The following CMIP variants were observed in gnomAD, a reference collection of about 807,000 sequenced individuals.
CMIP encodes the protein C-Maf-inducing protein.
CMIP carries 13 observed loss-of-function variants against 97.3 expected under a neutral mutation model. That is an observed-to-expected ratio of 0.13 (90% confidence interval 0.09 to 0.21). The LOEUF is 0.21. Among genes scored for constraint, CMIP ranks in the 10% least tolerant of loss-of-function variants. The pLI is 1.00. For missense variants in CMIP, 847 were observed against 1,024.9 expected (o/e 0.83, Z 2.37); for synonymous variants, 538 against 436.3 (o/e 1.23, Z -2.91).
At chr16:81,688,597 G>A (rs1403105009) in intron 10 of CMIP, among the ~76,000 whole-genome samples, 1 of 152,206 alleles carries the variant, frequency 6.6e-6, no homozygotes, top group Non-Finnish European at 1.5e-5. Flanking sequence ...TGTGTGGAAA[G>A]TCTCCGTGAC....
intron 1 of CMIP, among the ~76,000 whole-genome samples, chr16:81,459,067 C>T (rs55964899): frequency 0.45 from 50,617 of 112,400 alleles, 8,824 homozygotes; most frequent in East Asian, 0.58. Context: ...TCACTGTCAC[C>T]GTCACCGTCA....
rs1280400848 is a variant in CMIP at position 81,627,636 on chromosome 16, C to T, written c.477+6710C>T. On this transcript the variant is annotated intron_variant, in intron 3 of 20. Coordinates refer to ENST00000537098, the MANE Select transcript of CMIP (RefSeq NM_198390.3). This position sits in a 1 kb window ranked among gnomAD's most constrained non-coding sequence, Gnocchi z 4.6. Reference sequence around the variant, plus strand: ...TGTCCCCTGTGTCCAGCACTATGTGCCCCTGTGCTCCTGAGTCCGGAAACA... The same window carrying T: ...TGTCCCCTGTGTCCAGCACTATGTGTCCCTGTGCTCCTGAGTCCGGAAACA... 1.0e-5 allele frequency among the ~76,000 whole-genome samples: 1 copy of T among 95,558 alleles called. No homozygotes were observed. The highest frequency in any genetic ancestry group is 2.6e-5 in the Non-Finnish European group (1 of 37,918). 62.7% of individuals were successfully genotyped at this position (95,558 alleles called of 152,430 possible).
intron 3 of CMIP, among the ~76,000 whole-genome samples, chr16:81,624,727 A>G (rs1234163473): frequency 6.6e-6 from 1 of 152,244 alleles, no homozygotes; most frequent in East Asian, 1.9e-4. Flanking sequence ...AAGGGAGGAC[A>G]GATGAGGGAG....
At chr16:81,470,652 C>T (rs762218752) in intron 1 of CMIP, among the ~76,000 whole-genome samples, 57 of 152,318 alleles carry the variant, frequency 3.7e-4, no homozygotes, top group Middle Eastern at 3.4e-3. Context: ...TAAATGAGAT[C>T]TTGCTGTGTT....
chr16:81,567,996 C>T lies in CMIP; in HGVS notation c.301-39571C>T, dbSNP rs549907276. 2.0e-5 allele frequency among the ~76,000 whole-genome samples: 3 copies of T among 147,480 alleles called. No individual in the cohort carries two copies. The South Asian group carries it at 6.5e-4, about 32-fold the overall frequency. ...TATCCTCTTCCAGGGATGCTGGGAA[C>T]TGTAGACTGGATGACCGTGAGCTTT... is the stretch of plus-strand genomic sequence containing the variant. On this transcript the variant is annotated intron_variant, in intron 1 of 20. Coordinates refer to ENST00000537098, the MANE Select transcript of CMIP (RefSeq NM_198390.3).
intron 1 of CMIP, among the ~76,000 whole-genome samples, chr16:81,542,869 G>T (rs370969739): frequency 6.6e-6 from 1 of 152,226 alleles, no homozygotes; most frequent in Non-Finnish European, 1.5e-5. Context: ...AGGAATTTCC[G>T]GGAGGCACAA....
intron 1 of CMIP, among the ~76,000 whole-genome samples, chr16:81,568,039 GTTTTT>G (rs1555531346): frequency 2.4e-5 from 2 of 82,544 alleles, no homozygotes; most frequent in South Asian, 5.8e-4. Context: ...GTGTGTGTGT[GTTTTT>G]TTTTTTTTTT....
At chr16:81,587,080 C>T (rs1393906447) in intron 1 of CMIP, among the ~76,000 whole-genome samples, 1 of 152,128 alleles carries the variant, frequency 6.6e-6, no homozygotes. Flanking sequence ...GCAGTGTGTG[C>T]AGTGTGATTC....
chr16:81,460,842 G>A (rs766370081), intron 1 of CMIP, among the ~76,000 whole-genome samples: 7 of 152,354 alleles, frequency 4.6e-5, no homozygotes, highest in Non-Finnish European at 1.0e-4. Context: ...TGGTGGTGAT[G>A]ATGACGGTGA....
intron 1 of CMIP, among the ~76,000 whole-genome samples, chr16:81,533,569 C>T (rs1281480614): frequency 6.6e-6 from 1 of 152,184 alleles, no homozygotes; most frequent in African/African-American, 2.4e-5. Context: ...GCCTCCGTCT[C>T]CCGGGTTCAA....
chr16:81,711,445 G>A lies in CMIP; in HGVS notation c.*1646G>A, dbSNP rs1908764859. 1 of 151,950 alleles carries A rather than the reference G, an allele frequency of 6.6e-6. No homozygotes were observed. Among genetic ancestry groups the A allele is most frequent in the African/African-American group, 2.4e-5 (1 of 41,324 alleles). The allele number at this position is 151,950 out of a possible 1,614,324, so 9.4% of individuals were successfully genotyped here. A position where few individuals can be genotyped will look rare whatever the true frequency, so the allele number is the denominator to read the frequency against. The stretch of plus-strand genomic sequence containing the variant: ...TTCCGTGCCAGGTTTTATTTCGTGT[G>A]TGTGTGAGTGTGTTCTGTTTTGTGT... On this transcript the variant is annotated 3_prime_UTR_variant, in exon 21 of 21. Coordinates refer to ENST00000537098, the MANE Select transcript of CMIP (RefSeq NM_198390.3).
chr16:81,544,406 C>G lies in CMIP; in HGVS notation c.301-63161C>G, dbSNP rs141164032. Among the ~76,000 whole-genome samples the G allele has an allele frequency of 2.0e-5, 3 of 151,816 alleles. No individual in the cohort carries two copies. In the East Asian group the frequency reaches 5.8e-4, roughly 29 times the overall value. On this transcript the variant is annotated intron_variant, in intron 1 of 20. Coordinates refer to ENST00000537098, the MANE Select transcript of CMIP (RefSeq NM_198390.3). Reference sequence around the variant, plus strand: ...TTTTGAAAGAATTACTGATAGGACTCTGTCTCATCCTCAGGGGGTAAGTGT... The same window carrying G: ...TTTTGAAAGAATTACTGATAGGACTGTGTCTCATCCTCAGGGGGTAAGTGT...
chr16:81,634,548 A>T (rs1327967629), intron 3 of CMIP, among the ~76,000 whole-genome samples: 1 of 151,904 alleles, frequency 6.6e-6, no homozygotes, highest in South Asian at 2.1e-4. Flanking sequence ...ACACCATTGA[A>T]CTCACTCCTA....
At chr16:81,589,286 G>T (rs796811596) in intron 1 of CMIP, among the ~76,000 whole-genome samples, 1 of 151,884 alleles carries the variant, frequency 6.6e-6, no homozygotes, top group Admixed American at 6.6e-5. Flanking sequence ...TAGTAGAGAC[G>T]GGGTTTCTCC....
At chr16:81,456,495 A>T (rs1320022326) in intron 1 of CMIP, among the ~76,000 whole-genome samples, 1 of 152,204 alleles carries the variant, frequency 6.6e-6, no homozygotes, top group Admixed American at 6.5e-5. Flanking sequence ...AACAGTAAGG[A>T]TAGTGAGCAC....
intron 1 of CMIP, chr16:81,518,807 G>A (rs2089965188): frequency 6.6e-6 from 1 of 152,222 alleles, no homozygotes; most frequent in Non-Finnish European, 1.5e-5. Context: ...AGACCAGCCT[G>A]GGGCAACATA....
At chr16:81,532,125 C>G (rs541172604) in intron 1 of CMIP, among the ~76,000 whole-genome samples, 1 of 152,218 alleles carries the variant, frequency 6.6e-6, no homozygotes, top group Non-Finnish European at 1.5e-5. Context: ...GCTAAAGAAG[C>G]GAGGTGCGCA....
At chr16:81,706,969 T>G (rs748746114) in intron 19 of CMIP, 45 bp from the exon 20 acceptor site, 2 of 1,570,376 alleles carry the variant, frequency 1.3e-6, no homozygotes, top group Non-Finnish European at 1.8e-6. Flanking sequence ...CCTTCATACC[T>G]TTGGGGCCTC....
At chr16:81,683,455 G>T (rs1905071428) in intron 10 of CMIP, among the ~76,000 whole-genome samples, 1 of 152,116 alleles carries the variant, frequency 6.6e-6, no homozygotes, top group Non-Finnish European at 1.5e-5. Context: ...ACCTGCAGTA[G>T]TTCCGCTCAC....
Sources: gnomAD v4.1 joint callset for allele counts (sites outside exome capture counted in the v4.1 genomes callset) on GRCh38, gnomAD v4.1.1 for gene constraint, Gnocchi (gnomAD v3.1) non-coding constraint, MANE v1.5 for transcripts, NCBI Gene and HGNC (gene_info 2026-07-23, HGNC 2026-07-21) for gene names.